ATP8A2: variants seen among roughly 807,000 people sequenced by gnomAD.
ATP8A2 encodes ATPase phospholipid transporting 8A2.
ATP8A2 carries 100 observed loss-of-function variants against 165.6 expected under a neutral mutation model. The ratio of observed to expected loss-of-function variants is 0.60; its 90% CI spans 0.51 to 0.71. The LOEUF is 0.71. Ranked by LOEUF, ATP8A2 falls within the 30% of genes least tolerant of loss-of-function variation. The pLI is 0.00. For synonymous variants in ATP8A2, 543 were observed against 548.8 expected (o/e 0.99, Z 0.15); for missense variants, 1,227 against 1,479.5 (o/e 0.83, Z 2.80).
At chr13:26,013,408 C>G (rs554720285) in intron 36 of ATP8A2, among the ~76,000 whole-genome samples, 1 of 152,316 alleles carries the variant, frequency 6.6e-6, no homozygotes, top group African/African-American at 2.4e-5. Context: ...GACGCGGTGG[C>G]TCACGCCTGT....
chr13:25,579,067 T>A (rs1463962904), intron 21 of ATP8A2, among the ~76,000 whole-genome samples, 168 bp downstream of exon 21: 3 of 152,208 alleles, frequency 2.0e-5, no homozygotes, highest in African/African-American at 7.2e-5. Context: ...TGTAGATGCC[T>A]CTGTCACTCA....
At chr13:25,845,961 A>AG (rs1350892013) in intron 30 of ATP8A2, among the ~76,000 whole-genome samples, 2 of 152,236 alleles carry the variant, frequency 1.3e-5, no homozygotes, top group Non-Finnish European at 2.9e-5. Context: ...AGATCACCTG[A>AG]GGTCAGGAGT....
At chr13:25,776,690 T>C (rs2044750046) in intron 27 of ATP8A2, among the ~76,000 whole-genome samples, 1 of 152,182 alleles carries the variant, frequency 6.6e-6, no homozygotes, top group Non-Finnish European at 1.5e-5. Context: ...CTCAAGGTCA[T>C]GGACGATAGT....
chr13:25,998,960 A>G (rs190995864), intron 35 of ATP8A2, among the ~76,000 whole-genome samples: 30 of 152,318 alleles, frequency 2.0e-4, no homozygotes, highest in East Asian at 5.8e-4. Context: ...GCATTTTAAA[A>G]GAATAATACA....
rs770302024 is a variant in ATP8A2 at position 25,769,029 on chromosome 13, CCT to C, written c.2385-12_2385-11del. 4 of 1,612,784 alleles carry C rather than the reference CCT, an allele frequency of 2.5e-6. No individual in the cohort carries two copies. The South Asian group carries it at 3.3e-5, about 13-fold the overall frequency. On this transcript the variant is annotated splice_polypyrimidine_tract_variant and intron_variant, in intron 25 of 36. Transcript: ENST00000381655. ...GAAAGACATGCATAGCTCTGATTTCCCTCTCTTTTCTCACAGAGTGTCTCCTC... is the reference window on the plus strand; with the variant it reads ...GAAAGACATGCATAGCTCTGATTTCCCTCTTTTCTCACAGAGTGTCTCCTC...
intron 25 of ATP8A2, among the ~76,000 whole-genome samples, chr13:25,758,035 C>T (rs549382219): frequency 3.3e-5 from 5 of 152,162 alleles, no homozygotes; most frequent in Non-Finnish European, 7.3e-5. Flanking sequence ...CTGTTAACCT[C>T]CAAAAGGAGA....
At chr13:25,579,697 C>A in intron 21 of ATP8A2, 111 bp from the exon 22 acceptor site, 1 of 1,231,034 alleles carries the variant, frequency 8.1e-7, no homozygotes, top group Non-Finnish European at 1.2e-6. Flanking sequence ...TGACCTAAAG[C>A]ACAGAGTCTC....
At chr13:25,788,721 T>A (rs1440827189) in intron 27 of ATP8A2, among the ~76,000 whole-genome samples, 2 of 152,248 alleles carry the variant, frequency 1.3e-5, no homozygotes, top group Admixed American at 1.3e-4. Flanking sequence ...AAAATCACCA[T>A]GATTACATCT....
intron 27 of ATP8A2, among the ~76,000 whole-genome samples, chr13:25,825,552 AT>A (rs1299779482): frequency 6.6e-6 from 1 of 152,146 alleles, no homozygotes; most frequent in Non-Finnish European, 1.5e-5. Flanking sequence ...CCCACTAGAT[AT>A]CTTTTTGGTC....
rs77838443 is a variant in ATP8A2, at chr13:25,434,833, T to G, written c.77-34144T>G. Among the ~76,000 whole-genome samples the G allele has an allele frequency of 7.9e-3, 1,206 of 152,332 alleles. 24 individuals carry two copies. Among genetic ancestry groups the G allele is most frequent in the East Asian group, 0.07 (361 of 5,174 alleles). On this transcript the variant is annotated intron_variant, in intron 1 of 36. Transcript: ENST00000381655. ...AGTGCAAATAGGCTTGCTGCATACTTGGTATTTTCTCCAGCATGCACGTGT... is the reference window on the plus strand; with the variant it reads ...AGTGCAAATAGGCTTGCTGCATACTGGGTATTTTCTCCAGCATGCACGTGT...
intron 25 of ATP8A2, among the ~76,000 whole-genome samples, chr13:25,761,940 A>C (rs373408253): frequency 5.9e-5 from 9 of 151,952 alleles, no homozygotes; most frequent in African/African-American, 1.9e-4. Flanking sequence ...TGTAAGGACA[A>C]AGATTGTTGT....
At chr13:25,791,579 C>T (rs939556814) in intron 27 of ATP8A2, among the ~76,000 whole-genome samples, 6 of 93,540 alleles carry the variant, frequency 6.4e-5, no homozygotes, top group African/African-American at 2.4e-4. Flanking sequence ...ACACACACTC[C>T]AGCTACTCCT....
At chr13:25,967,440 T>C (rs1317477197) in intron 34 of ATP8A2, among the ~76,000 whole-genome samples, 6 of 152,074 alleles carry the variant, frequency 3.9e-5, no homozygotes, top group Non-Finnish European at 8.8e-5. Flanking sequence ...TTTCTTTCCT[T>C]GAAGGTGGAG....
intron 24 of ATP8A2, among the ~76,000 whole-genome samples, chr13:25,651,863 A>C (rs1014266832): frequency 2.6e-5 from 4 of 151,932 alleles, no homozygotes; most frequent in African/African-American, 9.7e-5. Flanking sequence ...TTTTTCTTTA[A>C]TTTTGATTTT....
At chr13:25,475,145 A>AT (rs1428736510) in intron 2 of ATP8A2, among the ~76,000 whole-genome samples, 2 of 151,312 alleles carry the variant, frequency 1.3e-5, no homozygotes, top group African/African-American at 2.4e-5. Flanking sequence ...CTCAATAGTT[A>AT]TTTTTTCTGC....
intron 35 of ATP8A2, among the ~76,000 whole-genome samples, chr13:25,994,657 C>G (rs1383154090): frequency 6.6e-6 from 1 of 151,834 alleles, no homozygotes; most frequent in East Asian, 1.9e-4. Flanking sequence ...TTTTTTTTCT[C>G]TTTAGCCTGT....
At chr13:25,512,337 C>A (rs999308578) in intron 2 of ATP8A2, among the ~76,000 whole-genome samples, 1 of 152,096 alleles carries the variant, frequency 6.6e-6, no homozygotes, top group African/African-American at 2.4e-5. Flanking sequence ...ACCTTTCCCC[C>A]CTTTCTATTC....
chr13:25,821,012 A>G (rs1951166863), intron 27 of ATP8A2, among the ~76,000 whole-genome samples: 1 of 151,974 alleles, frequency 6.6e-6, no homozygotes, highest in East Asian at 1.9e-4. Flanking sequence ...TCATCTAATG[A>G]TGGATTATTT....
intron 25 of ATP8A2, among the ~76,000 whole-genome samples, chr13:25,743,655 A>G (rs1000606221): frequency 6.6e-6 from 1 of 152,222 alleles, no homozygotes; most frequent in Non-Finnish European, 1.5e-5. Flanking sequence ...GGGACAGGAA[A>G]CGCCTGAAGG....
Sources: gnomAD v4.1 joint callset for allele counts (sites outside exome capture counted in the v4.1 genomes callset) on GRCh38, gnomAD v4.1.1 for gene constraint, MANE v1.5 for transcripts, NCBI Gene and HGNC (gene_info 2026-07-23, HGNC 2026-07-21) for gene names.